RABGAP1L: variants seen among roughly 807,000 people sequenced by gnomAD.
The protein encoded by RABGAP1L is rab GTPase-activating protein 1-like.
A neutral mutation model predicts 137.7 loss-of-function variants in RABGAP1L; 63 were observed. The ratio of observed to expected loss-of-function variants is 0.46; its 90% confidence interval spans 0.37 to 0.56. The LOEUF (loss-of-function observed/expected upper bound fraction) is 0.56, where lower values mean the gene tolerates loss of function less well. Ranked by LOEUF, RABGAP1L falls within the 20% of genes least tolerant of loss-of-function variation. RABGAP1L has a pLI of 0.00. For synonymous variants in RABGAP1L, 431 were observed against 433.7 expected, an observed-to-expected ratio of 0.99 and a Z score of 0.08; for missense variants, 1,095 against 1,244.0, an observed-to-expected ratio of 0.88 and a Z score of 1.80.
intron 17 of RABGAP1L, among the ~76,000 whole-genome samples, chr1:174,740,401 T>C (rs1683291311): frequency 6.6e-6 from 1 of 152,108 alleles, no homozygotes; most frequent in Non-Finnish European, 1.5e-5. Flanking sequence ...AACCTAGGAC[T>C]TCACCCCTTG....
chr1:174,217,510 G>A (rs901859228), intron 1 of RABGAP1L, among the ~76,000 whole-genome samples: 2 of 152,156 alleles, frequency 1.3e-5, no homozygotes, highest in Non-Finnish European at 2.9e-5. Flanking sequence ...ACCTGAGAAG[G>A]ACTTGAAGGA....
At chr1:174,197,044 G>A (rs1205188083) in intron 1 of RABGAP1L, among the ~76,000 whole-genome samples, 1 of 152,022 alleles carries the variant, frequency 6.6e-6, no homozygotes, top group African/African-American at 2.4e-5. Flanking sequence ...GACTGATCTG[G>A]GATTCATATT....
intron 7 of RABGAP1L, among the ~76,000 whole-genome samples, chr1:174,260,711 G>A (rs1358417715): frequency 2.0e-5 from 3 of 152,108 alleles, no homozygotes; most frequent in Admixed American, 6.5e-5. Flanking sequence ...CTAACACATT[G>A]ATATGTATTT....
At chr1:174,919,542 G>T (rs1230108037) in intron 19 of RABGAP1L, among the ~76,000 whole-genome samples, 3 of 151,978 alleles carry the variant, frequency 2.0e-5, no homozygotes, top group African/African-American at 4.8e-5. Context: ...AAATATTTTA[G>T]TGTAATAAAA....
chr1:174,719,422 A>G (rs893504096), intron 17 of RABGAP1L, among the ~76,000 whole-genome samples: 8 of 152,222 alleles, frequency 5.3e-5, no homozygotes, highest in South Asian at 2.1e-4. Context: ...GAGTTTCACA[A>G]CCTTTCAAGT....
intron 18 of RABGAP1L, chr1:174,799,758 G>GGCA (rs139364178): frequency 2.6e-6 from 2 of 783,278 alleles, no homozygotes; most frequent in Non-Finnish European, 3.1e-6. Flanking sequence ...CACAGCGAGA[G>GGCA]GCAGCAGCAG....
intron 1 of RABGAP1L, among the ~76,000 whole-genome samples, chr1:174,187,295 G>C (rs1666879746): frequency 6.6e-6 from 1 of 151,786 alleles, no homozygotes; most frequent in African/African-American, 2.4e-5. Context: ...AGTGAAGGAA[G>C]TGAACAGGGT....
chr1:174,526,762 T>C (rs1376694135), intron 13 of RABGAP1L, among the ~76,000 whole-genome samples: 2 of 152,124 alleles, frequency 1.3e-5, no homozygotes, highest in Non-Finnish European at 2.9e-5. Context: ...TTTTTTCTTT[T>C]CAAAGAACCA....
chr1:174,840,388 G>T (rs1693244093), intron 19 of RABGAP1L, among the ~76,000 whole-genome samples: 1 of 152,068 alleles, frequency 6.6e-6, no homozygotes, highest in Admixed American at 6.6e-5. Context: ...AGTTAAAAAT[G>T]CCCACAGCTG....
chr1:174,629,044 T>A (rs1299521284), intron 13 of RABGAP1L, among the ~76,000 whole-genome samples: 1 of 152,156 alleles, frequency 6.6e-6, no homozygotes, highest in Non-Finnish European at 1.5e-5. Flanking sequence ...ACCACTACAA[T>A]CAGAATAAGT....
intron 13 of RABGAP1L, among the ~76,000 whole-genome samples, chr1:174,528,217 T>A (rs910045323): frequency 6.6e-6 from 1 of 152,186 alleles, no homozygotes; most frequent in Non-Finnish European, 1.5e-5. Context: ...TCTATATTTT[T>A]TGCTCCTTTC....
At chr1:174,562,479 A>G (rs1479651927) in intron 13 of RABGAP1L, among the ~76,000 whole-genome samples, 1 of 152,206 alleles carries the variant, frequency 6.6e-6, no homozygotes, top group Non-Finnish European at 1.5e-5. Context: ...TAGAAATACC[A>G]TTTGATCCAG....
chr1:174,887,233 A>G (rs1290826217), intron 19 of RABGAP1L, among the ~76,000 whole-genome samples: 1 of 152,202 alleles, frequency 6.6e-6, no homozygotes, highest in East Asian at 1.9e-4. Context: ...TTGCTGAACA[A>G]TAGTCTACCA....
chr1:174,799,095 C>T (rs1688500255), intron 18 of RABGAP1L, among the ~76,000 whole-genome samples: 1 of 152,174 alleles, frequency 6.6e-6, no homozygotes, highest in Non-Finnish European at 1.5e-5. Context: ...CTGTGGCATA[C>T]AAAAGTTATT....
chr1:174,577,026 A>G (rs572276865), intron 13 of RABGAP1L, among the ~76,000 whole-genome samples: 2 of 152,170 alleles, frequency 1.3e-5, no homozygotes, highest in South Asian at 4.1e-4. Context: ...AAAACAAAAA[A>G]CAAAAAACTA....
intron 17 of RABGAP1L, among the ~76,000 whole-genome samples, chr1:174,736,556 C>G (rs887206322): frequency 6.6e-6 from 1 of 152,258 alleles, no homozygotes; most frequent in African/African-American, 2.4e-5. Context: ...TTTCCTGCAG[C>G]TTCACTAGGC....
chr1:174,726,900 C>G (rs908339530), intron 17 of RABGAP1L, among the ~76,000 whole-genome samples: 4 of 152,114 alleles, frequency 2.6e-5, no homozygotes, highest in South Asian at 2.1e-4. Context: ...TTAGTACTTA[C>G]ATGAATCACA....
At chr1:174,425,010 G>A (rs1323848892) in intron 13 of RABGAP1L, among the ~76,000 whole-genome samples, 5 of 151,988 alleles carry the variant, frequency 3.3e-5, no homozygotes, top group African/African-American at 9.7e-5. Flanking sequence ...TTATTTTGTT[G>A]CTGGTTTTGG....
chr1:174,281,636 G>A (rs1675567328), intron 10 of RABGAP1L, among the ~76,000 whole-genome samples: 1 of 152,204 alleles, frequency 6.6e-6, no homozygotes, highest in African/African-American at 2.4e-5. Flanking sequence ...TAGAAAGACT[G>A]GGAAGCACAG....
Sources: allele counts gnomAD v4.1 joint callset (sites outside exome capture counted in the v4.1 genomes callset), GRCh38; gene constraint gnomAD v4.1.1; transcripts MANE v1.5; gene names NCBI Gene and HGNC (gene_info 2026-07-23, HGNC 2026-07-21).